The following CNTNAP2 variants were observed in gnomAD, a reference collection of about 807,000 sequenced individuals.
CNTNAP2 encodes contactin associated protein 2.
Under a neutral mutation model 155.2 loss-of-function variants are expected in CNTNAP2, and 98 were observed. That is an observed-to-expected ratio of 0.63 (90% CI 0.54 to 0.75). CNTNAP2 has a LOEUF of 0.75. CNTNAP2 is among the 30% of genes least tolerant of loss of function. The pLI is 0.00. For missense variants in CNTNAP2, 1,727 were observed against 1,688.1 expected, an observed-to-expected ratio of 1.02 and a Z score of -0.40; for synonymous variants, 651 against 631.2, an observed-to-expected ratio of 1.03 and a Z score of -0.47.
rs191612154 is a variant in CNTNAP2, at chr7:147,636,592, T to C, written c.1898-2514T>C. Reference sequence around the variant, plus strand: ...ATTTGTCCTAATGCTCTCCCTCCCATTTACCCTGCACCCCCCAACAAGCCC... The same window carrying C: ...ATTTGTCCTAATGCTCTCCCTCCCACTTACCCTGCACCCCCCAACAAGCCC... On this transcript the variant is annotated intron_variant, in intron 12 of 23. Transcript: ENST00000361727. Among the ~76,000 whole-genome samples, 153 of 152,172 alleles carry C rather than the reference T, an allele frequency of 1.0e-3. 1 individual carries two copies. Among genetic ancestry groups the C allele is most frequent in the Non-Finnish European group, 1.8e-3 (124 of 67,998 alleles).
At chr7:147,950,944 A>G (rs1287777534) in intron 14 of CNTNAP2, among the ~76,000 whole-genome samples, 3 of 152,216 alleles carry the variant, frequency 2.0e-5, no homozygotes, top group Non-Finnish European at 4.4e-5. Flanking sequence ...CTCTGGCCCA[A>G]GCCTCTTTGT....
intron 13 of CNTNAP2, among the ~76,000 whole-genome samples, chr7:147,753,389 C>T (rs2116506963): frequency 6.6e-6 from 1 of 152,300 alleles, no homozygotes; most frequent in South Asian, 2.1e-4. Context: ...TATCTCAGCT[C>T]TGAAGCAATG....
At chr7:146,586,038 A>G (rs1250534612) in intron 1 of CNTNAP2, among the ~76,000 whole-genome samples, 5 of 152,124 alleles carry the variant, frequency 3.3e-5, no homozygotes, top group African/African-American at 1.2e-4. Context: ...AAACAAACAA[A>G]AGAAAACAAA....
At chr7:146,307,096 CA>C (rs1286331371) in intron 1 of CNTNAP2, among the ~76,000 whole-genome samples, 1 of 152,074 alleles carries the variant, frequency 6.6e-6, no homozygotes, top group Non-Finnish European at 1.5e-5. Context: ...CGTCTCAGCC[CA>C]AAATCTCCTT....
At chr7:146,334,392 C>A (rs1411892416) in intron 1 of CNTNAP2, among the ~76,000 whole-genome samples, 1 of 148,432 alleles carries the variant, frequency 6.7e-6, no homozygotes, top group Non-Finnish European at 1.5e-5. Context: ...GATCGTGCCA[C>A]TGCACTCCAG....
At chr7:146,815,862 A>G (rs1355771422) in intron 2 of CNTNAP2, among the ~76,000 whole-genome samples, 1 of 152,116 alleles carries the variant, frequency 6.6e-6, no homozygotes, top group Non-Finnish European at 1.5e-5. Flanking sequence ...TGCACCCATC[A>G]ACTCGTCATT....
chr7:148,331,380 T>G (rs1563045566), intron 21 of CNTNAP2, among the ~76,000 whole-genome samples: 25 of 93,020 alleles, frequency 2.7e-4, no homozygotes, highest in Non-Finnish European at 2.1e-5. Flanking sequence ...ATGGAGTGGA[T>G]GGAGTGGACG....
intron 1 of CNTNAP2, among the ~76,000 whole-genome samples, chr7:146,435,945 A>G (rs1796237180): frequency 6.6e-6 from 1 of 152,176 alleles, no homozygotes; most frequent in Non-Finnish European, 1.5e-5. Context: ...ATGATATGCC[A>G]AGATTTGGCT....
chr7:147,572,729 CACACAT>C (rs1205034028), intron 12 of CNTNAP2, among the ~76,000 whole-genome samples: 2 of 132,488 alleles, frequency 1.5e-5, no homozygotes, highest in African/African-American at 2.8e-5. Flanking sequence ...CACACACACA[CACACAT>C]GTTGGGAAAT....
chr7:146,847,007 T>A (rs1803854295), intron 3 of CNTNAP2, among the ~76,000 whole-genome samples: 1 of 152,170 alleles, frequency 6.6e-6, no homozygotes, highest in Non-Finnish European at 1.5e-5. Context: ...CAATGCTAAT[T>A]TTTTTTACGT....
intron 1 of CNTNAP2, among the ~76,000 whole-genome samples, chr7:146,664,287 G>A (rs534542155): frequency 7.4e-5 from 11 of 148,946 alleles, no homozygotes; most frequent in African/African-American, 2.0e-4. Context: ...TCATCTTCCC[G>A]AGCAGCTAGG....
At chr7:147,505,579 GA>G (rs1285394868) in intron 11 of CNTNAP2, among the ~76,000 whole-genome samples, 4 of 152,214 alleles carry the variant, frequency 2.6e-5, no homozygotes, top group African/African-American at 9.6e-5. Context: ...TTAAGGGACA[GA>G]AACAATGCAA....
At chr7:147,670,539 G>A (rs886096080) in intron 13 of CNTNAP2, among the ~76,000 whole-genome samples, 1 of 152,206 alleles carries the variant, frequency 6.6e-6, no homozygotes, top group South Asian at 2.1e-4. Context: ...GAGAGGTGAA[G>A]CAGCTGGACA....
At chr7:146,992,067 C>G (rs1798218598) in intron 3 of CNTNAP2, among the ~76,000 whole-genome samples, 1 of 152,112 alleles carries the variant, frequency 6.6e-6, no homozygotes, top group African/African-American at 2.4e-5. Context: ...ACACACATCT[C>G]CCTTGGAGGG....
At chr7:147,630,847 C>A (rs1054669010) in intron 12 of CNTNAP2, among the ~76,000 whole-genome samples, 1 of 152,096 alleles carries the variant, frequency 6.6e-6, no homozygotes, top group Admixed American at 6.6e-5. Context: ...CCATCTATGA[C>A]AAACCCACAG....
At chr7:146,664,395 A>G (rs1474265836) in intron 1 of CNTNAP2, among the ~76,000 whole-genome samples, 3 of 151,892 alleles carry the variant, frequency 2.0e-5, no homozygotes, top group African/African-American at 4.8e-5. Flanking sequence ...TCCTGACCTT[A>G]AACAATCTGC....
At chr7:148,303,275 G>T (rs1319135753) in intron 21 of CNTNAP2, among the ~76,000 whole-genome samples, 2 of 152,172 alleles carry the variant, frequency 1.3e-5, no homozygotes, top group African/African-American at 4.8e-5. Context: ...TCCAGGTAGA[G>T]AATGCAAGGT....
At chr7:148,371,593 A>G (rs1258676054) in intron 21 of CNTNAP2, among the ~76,000 whole-genome samples, 1 of 152,270 alleles carries the variant, frequency 6.6e-6, no homozygotes, top group African/African-American at 2.4e-5. Flanking sequence ...ATTTCTACCT[A>G]TTTATCAAAT....
intron 21 of CNTNAP2, among the ~76,000 whole-genome samples, chr7:148,293,126 T>A (rs1797219544): frequency 6.6e-6 from 1 of 152,118 alleles, no homozygotes; most frequent in South Asian, 2.1e-4. Flanking sequence ...GAATTTGAAT[T>A]AAATTGTTCT....
Sources: allele counts gnomAD v4.1 joint callset (sites outside exome capture counted in the v4.1 genomes callset), GRCh38; gene constraint gnomAD v4.1.1; transcripts MANE v1.5; gene names NCBI Gene and HGNC (gene_info 2026-07-23, HGNC 2026-07-21).